Variants in GNB5 observed in about 807,000 individuals in gnomAD.
The protein encoded by GNB5 is guanine nucleotide-binding protein subunit beta-5.
A neutral mutation model predicts 55.3 loss-of-function variants in GNB5; 37 were observed. That is an observed-to-expected ratio of 0.67 (90% CI 0.51 to 0.88). GNB5 has a LOEUF of 0.88. Among genes scored for constraint, GNB5 ranks in the 40% least tolerant of loss-of-function variants. The pLI, the probability that GNB5 is intolerant of heterozygous loss-of-function variation, is 0.00. For missense variants in GNB5, 476 were observed against 515.3 expected (o/e 0.92, Z 0.74); for synonymous variants, 219 against 198.5 (o/e 1.10, Z -0.87).
At chr15:52,190,109 C>A (rs1297494674) in intron 1 of GNB5, among the ~76,000 whole-genome samples, 1 of 131,540 alleles carries the variant, frequency 7.6e-6, no homozygotes, top group Non-Finnish European at 1.6e-5. Flanking sequence ...GACATCATAT[C>A]TCAATAAATT....
chr15:52,125,694 CA>C lies in GNB5; in HGVS notation c.1009+253del, dbSNP rs143717285. The C allele has an allele frequency of 4.6e-3, 1,561 of 342,604 alleles. 24 individuals carry two copies. The highest frequency in any genetic ancestry group is 0.031 in the African/African-American group (1,484 of 47,748). The allele number at this position is 342,604 out of a possible 1,614,324, so 21.2% of individuals were successfully genotyped here. The stretch of plus-strand genomic sequence containing the variant: ...GAGCATTGTGGAAGTGAATTTCTGA[CA>C]CTTCATTGCCTTGAAGGACAGCATT... On this transcript the variant is annotated intron_variant, in intron 11 of 12. Coordinates refer to ENST00000261837, the MANE Select transcript of GNB5 (RefSeq NM_016194.4).
chr15:52,187,326 G>C (rs1488559715), intron 1 of GNB5, among the ~76,000 whole-genome samples: 1 of 152,134 alleles, frequency 6.6e-6, no homozygotes, highest in Non-Finnish European at 1.5e-5. Flanking sequence ...CATCCACGTG[G>C]ATTATTCCAG....
Position 52,149,902 on chromosome 15 carries a change from A to T in GNB5, c.399T>A (p.Asp133Glu). 1 of 1,612,320 alleles carries T rather than the reference A, an allele frequency of 6.2e-7. No individual in the cohort carries two copies. The highest frequency in any genetic ancestry group is 1.7e-5 in the Admixed American group (1 of 60,010). ...GCCTCACCTTGTTTGTGGTGAAGGA[A>T]TCCCACACGATCACCTTCCCATCCT... ...SSQDGKVIVW[D>E]SFTTNKEHAV... The change falls in exon 5 of 13, where the codon GAT (aspartate) becomes GAA (glutamate). Residue 133 changes from aspartate (D) to glutamate (E), a missense_variant. By Grantham distance (45) the Asp-to-Glu change is conservative. Transcript: ENST00000261837.
intron 1 of GNB5, among the ~76,000 whole-genome samples, chr15:52,185,752 TTTTATTATTATTATTATTATTATTA>T (rs1241521367): frequency 2.8e-4 from 26 of 94,424 alleles, no homozygotes; most frequent in African/African-American, 1.1e-3. Context: ...GTATTCATCT[TTTTATTATTATTATTATTATTATTA>T]TTATTATTAT....
At chr15:52,163,901 G>A (rs1486284307) in intron 3 of GNB5, among the ~76,000 whole-genome samples, 1 of 152,160 alleles carries the variant, frequency 6.6e-6, no homozygotes, top group Non-Finnish European at 1.5e-5. Flanking sequence ...TTGCTGTTTT[G>A]CAGCCTTCAC....
chr15:52,118,401 T>G lies in GNB5; in HGVS notation c.*4356A>C, dbSNP rs2141174580. The G allele has an allele frequency of 6.6e-6, 1 of 152,162 alleles. No individual in the cohort carries two copies. Among genetic ancestry groups the G allele is most frequent in the Non-Finnish European group, 1.5e-5 (1 of 68,000 alleles). The allele number at this position is 152,162 out of a possible 1,614,324, so 9.4% of individuals were successfully genotyped here. On this transcript the variant is annotated 3_prime_UTR_variant, in exon 13 of 13. Transcript: ENST00000261837. ...GGGTGATTTTTTTATTTTCATCCTC[T>G]CAGGAATTTTCCAGAGACTACTGGC...
Position 52,170,985 on chromosome 15 carries a change from T to C in GNB5, c.238+8783A>G, listed in dbSNP as rs8032443. On this transcript the variant is annotated intron_variant, in intron 3 of 12. Coordinates refer to ENST00000261837, the MANE Select transcript of GNB5 (RefSeq NM_016194.4). Reference sequence around the variant, plus strand: ...GGTGTGCGACTATAATCCCAGCTACTTGGGAGGCTGAGGCAAGAGAAGCAC... The same window carrying C: ...GGTGTGCGACTATAATCCCAGCTACCTGGGAGGCTGAGGCAAGAGAAGCAC... Among the ~76,000 whole-genome samples, 1,511 of 151,392 alleles carry C rather than the reference T, an allele frequency of 1.0e-2. 29 individuals carry two copies. The highest frequency in any genetic ancestry group is 0.035 in the African/African-American group (1,447 of 41,244).
intron 9 of GNB5, among the ~76,000 whole-genome samples, chr15:52,129,286 C>T (rs2033515530): frequency 6.6e-6 from 1 of 152,058 alleles, no homozygotes; most frequent in Non-Finnish European, 1.5e-5. Context: ...AGTGACCTAC[C>T]CTATAGTTCC....
chr15:52,179,887 CG>C lies in GNB5; in HGVS notation c.127-9del. The C allele has an allele frequency of 6.5e-7, 1 of 1,526,800 alleles. No individual in the cohort carries two copies. 94.6% of individuals were successfully genotyped at this position (1,526,800 alleles called of 1,614,324 possible). On this transcript the variant is annotated splice_polypyrimidine_tract_variant and intron_variant, in intron 2 of 12. Transcript: ENST00000261837. ...CAGCCCCTCGGTTGCCATCTTCGCGCGGGGACGCAGCGGAGAGGGAAGCGGA... is the reference window on the plus strand; with the variant it reads ...CAGCCCCTCGGTTGCCATCTTCGCGCGGGACGCAGCGGAGAGGGAAGCGGA...
In GNB5 at chr15:52,115,530, A is replaced by C. The variant is rs147304259; in HGVS notation, c.*7227T>G. On this transcript the variant is annotated 3_prime_UTR_variant, in exon 13 of 13. Coordinates refer to ENST00000261837, the MANE Select transcript of GNB5 (RefSeq NM_016194.4). ...ACAGTAAAAGGTTGTCACTCCACAG[A>C]AACTTTTATTTGTAAATGGTAAATC... 6.6e-6 allele frequency: 1 copy of C among 152,330 alleles called. No homozygotes were observed. The highest frequency in any genetic ancestry group is 2.4e-5 in the African/African-American group (1 of 41,572). 9.4% of individuals were successfully genotyped at this position (152,330 alleles called of 1,614,324 possible).
intron 6 of GNB5, among the ~76,000 whole-genome samples, chr15:52,146,227 G>A (rs1013938891): frequency 1.3e-5 from 2 of 152,156 alleles, no homozygotes; most frequent in Non-Finnish European, 2.9e-5. Context: ...AAAGTGCTGG[G>A]ATTACAGGCG....
At chr15:52,128,869 C>A (rs2141186257) in intron 9 of GNB5, 2 of 403,724 alleles carry the variant, frequency 5.0e-6, no homozygotes, top group Non-Finnish European at 1.0e-5. Flanking sequence ...AAATTATAAG[C>A]CAGAGGCAGA....
intron 7 of GNB5, chr15:52,137,581 G>A: frequency 9.4e-7 from 1 of 1,067,636 alleles, no homozygotes; most frequent in East Asian, 8.0e-5. Flanking sequence ...AAGTACAAAG[G>A]TCAGCCATAG....
At chr15:52,147,752 T>G (rs1164083493) in intron 5 of GNB5, among the ~76,000 whole-genome samples, 1 of 152,098 alleles carries the variant, frequency 6.6e-6, no homozygotes, top group Non-Finnish European at 1.5e-5. Flanking sequence ...CAGGCTAATT[T>G]TTGTATTTTT....
Position 52,135,656 on chromosome 15 carries a change from A to G in GNB5, c.728T>C (p.Leu243Ser). ...FHGHGADVLC[L>S]DLAPSETGNT... ...TCCAGTTTCTGAGGGGGCCAGGTCC[A>G]AGCAGAGGACGTCAGCCCCATGTCC... The change falls in exon 8 of 13, where the codon TTG becomes TCG. Residue 243 changes from leucine (L) to serine (S), a missense_variant. Physicochemically the swap from Leu to Ser is moderately radical, Grantham distance 145. Transcript: ENST00000261837. The G allele has an allele frequency of 6.2e-7, 1 of 1,613,790 alleles. No homozygotes were observed.
chr15:52,119,991 G>C lies in GNB5; in HGVS notation c.*2766C>G, dbSNP rs1566929169. 6.6e-6 allele frequency: 1 copy of C among 152,340 alleles called. No individual in the cohort carries two copies. The highest frequency in any genetic ancestry group is 2.4e-5 in the African/African-American group (1 of 41,436). The allele number at this position is 152,340 out of a possible 1,614,324, so 9.4% of individuals were successfully genotyped here. ...CACCTCTGGCTCGCCTGGGAGAAGA[G>C]GGACGGCTGCCAGGGCCCCACCGGT... On this transcript the variant is annotated 3_prime_UTR_variant, in exon 13 of 13. Transcript: ENST00000261837.
rs774134208 is a variant in GNB5, at chr15:52,179,791, C to T, written c.215G>A (p.Arg72Gln). Residue 72 changes from arginine to glutamine, a missense_variant, in exon 3 of 13, where the codon CGA (arginine) becomes CAA (glutamine). Arg to Gln is a conservative substitution (Grantham distance 43, BLOSUM62 1). Transcript: ENST00000261837. The stretch of plus-strand genomic sequence containing the variant: ...ACGCTCCACATCGTGCAGCTTGGCT[C>T]GCTCCTCCTCCAGCTTGCCCTTGAG... ...ESLKGKLEEE[R>Q]AKLHDVELHQ... The T allele has an allele frequency of 7.1e-6, 11 of 1,540,358 alleles. No individual in the cohort carries two copies. Among genetic ancestry groups the T allele is most frequent in the Non-Finnish European group, 2.6e-6 (3 of 1,145,112 alleles).
In GNB5 at chr15:52,138,680, C is replaced by T. The variant is rs187818658; in HGVS notation, c.627+2460G>A. On this transcript the variant is annotated intron_variant, in intron 7 of 12. Coordinates refer to ENST00000261837, the MANE Select transcript of GNB5 (RefSeq NM_016194.4). Reference sequence around the variant, plus strand: ...CCACACCCACTAGTGGCTGTTCCAACTCACTGCTTTCCTAATAACACTTGC... The same window carrying T: ...CCACACCCACTAGTGGCTGTTCCAATTCACTGCTTTCCTAATAACACTTGC... 6 of 152,324 alleles carry T rather than the reference C, an allele frequency of 3.9e-5. No individual in the cohort carries two copies. In the East Asian group the frequency reaches 1.2e-3, roughly 29 times the overall value. 9.4% of individuals were successfully genotyped at this position (152,324 alleles called of 1,614,324 possible).
In GNB5 at chr15:52,188,463, T is replaced by C. The variant is rs899634899; in HGVS notation, c.-19+2859A>G. On this transcript the variant is annotated intron_variant, in intron 1 of 12. Coordinates refer to ENST00000261837, the MANE Select transcript of GNB5 (RefSeq NM_016194.4). ...AATAGATTTGAGACCACTGAGGTCA[T>C]ACTGTTCATGTATACTGATTACATT... Among the ~76,000 whole-genome samples the C allele has an allele frequency of 1.4e-4, 21 of 152,236 alleles. 1 individual carries two copies. Among genetic ancestry groups the C allele is most frequent in the Non-Finnish European group, 1.5e-4 (10 of 68,036 alleles).
Sources: gnomAD v4.1 joint callset for allele counts (sites outside exome capture counted in the v4.1 genomes callset) on GRCh38, gnomAD v4.1.1 for gene constraint, MANE v1.5 for transcripts, NCBI Gene and HGNC (gene_info 2026-07-23, HGNC 2026-07-21) for gene names.